Variants in GMDS observed in about 807,000 individuals in gnomAD.
GMDS encodes the protein GDP-mannose 4,6-dehydratase.
A neutral mutation model predicts 49.9 loss-of-function variants in GMDS; 20 were observed. The observed-to-expected ratio is 0.40, with a 90% CI of 0.28 to 0.58. The LOEUF (loss-of-function observed/expected upper bound fraction) is 0.58, where lower values mean the gene tolerates loss of function less well. Among genes scored for constraint, GMDS ranks in the 20% least tolerant of loss-of-function variants. The pLI is 0.42. For missense variants in GMDS, 362 were observed against 481.4 expected (o/e 0.75, Z 2.32); for synonymous variants, 177 against 178.6 (o/e 0.99, Z 0.07).
intron 9 of GMDS, among the ~76,000 whole-genome samples, chr6:1,667,568 TG>T (rs1209401463): frequency 6.6e-6 from 1 of 152,210 alleles, no homozygotes; most frequent in Non-Finnish European, 1.5e-5. Context: ...GCTGGGTATC[TG>T]GGGCTTTATA....
chr6:1,813,051 C>T (rs921481288), intron 7 of GMDS, among the ~76,000 whole-genome samples: 4 of 151,682 alleles, frequency 2.6e-5, no homozygotes, highest in African/African-American at 9.7e-5. Flanking sequence ...AACCCCATCT[C>T]TACCAAAAAA....
chr6:1,852,360 A>C (rs111351929), intron 7 of GMDS, among the ~76,000 whole-genome samples: 241 of 152,344 alleles, frequency 1.6e-3, no homozygotes, highest in African/African-American at 3.6e-3. Flanking sequence ...AAAATCTTTC[A>C]AGGATATTTT....
chr6:2,156,374 T>G (rs1046606603), intron 1 of GMDS, among the ~76,000 whole-genome samples: 1 of 152,182 alleles, frequency 6.6e-6, no homozygotes, highest in South Asian at 2.1e-4. Context: ...TGAAAAAGGA[T>G]ATTGATTTTT....
chr6:1,797,255 G>A (rs1472020392), intron 7 of GMDS, among the ~76,000 whole-genome samples: 1 of 152,158 alleles, frequency 6.6e-6, no homozygotes, highest in African/African-American at 2.4e-5. Flanking sequence ...AAACAGTTTT[G>A]TCATGAAAGC....
chr6:2,194,647 T>C (rs1779205405), intron 1 of GMDS, among the ~76,000 whole-genome samples: 1 of 152,392 alleles, frequency 6.6e-6, no homozygotes, highest in African/African-American at 2.4e-5. Flanking sequence ...TAAAAAGTGC[T>C]ACACGCACAC....
intron 4 of GMDS, among the ~76,000 whole-genome samples, chr6:2,077,161 ATTTG>A (rs1050080484): frequency 2.6e-5 from 4 of 152,002 alleles, no homozygotes; most frequent in Non-Finnish European, 5.9e-5. Flanking sequence ...ACTTGGCTGA[ATTTG>A]TTTATCAGTT....
At chr6:1,921,725 T>C (rs905920118) in intron 7 of GMDS, among the ~76,000 whole-genome samples, 6 of 152,200 alleles carry the variant, frequency 3.9e-5, no homozygotes, top group East Asian at 3.8e-4. Flanking sequence ...GGCCCTTGAA[T>C]TGCCTTTCTT....
In GMDS at chr6:1,831,406, T is replaced by C. The variant is rs905021588; in HGVS notation, c.772-88820A>G. Among the ~76,000 whole-genome samples the C allele has an allele frequency of 7.2e-5, 11 of 152,268 alleles. No homozygotes were observed. In the Middle Eastern group the frequency reaches 0.01, roughly 141 times the overall value. Reference sequence around the variant, plus strand: ...CCTTAAGGGAAGCGTGAAGGGAAAATCTCTATGAACTGCAAAACACTAAAC... The same window carrying C: ...CCTTAAGGGAAGCGTGAAGGGAAAACCTCTATGAACTGCAAAACACTAAAC... On this transcript the variant is annotated intron_variant, in intron 7 of 10. Coordinates refer to ENST00000380815, the MANE Select transcript of GMDS (RefSeq NM_001500.4).
At chr6:2,161,176 ATTT>A (rs1393093745) in intron 1 of GMDS, among the ~76,000 whole-genome samples, 6 of 151,764 alleles carry the variant, frequency 4.0e-5, no homozygotes, top group Non-Finnish European at 8.8e-5. Context: ...CGCCCAGCTA[ATTT>A]TTTGTATTTT....
intron 1 of GMDS, among the ~76,000 whole-genome samples, chr6:2,241,072 G>A (rs755818599): frequency 2.0e-5 from 3 of 152,154 alleles, no homozygotes; most frequent in African/African-American, 4.8e-5. Flanking sequence ...AGACATCTTT[G>A]AGGCTGTCTC....
chr6:2,143,817 C>T (rs941856316), intron 1 of GMDS, among the ~76,000 whole-genome samples: 28 of 152,188 alleles, frequency 1.8e-4, no homozygotes, highest in Non-Finnish European at 7.3e-5. Context: ...TTAACTATCA[C>T]CTCCATTGTC....
intron 8 of GMDS, among the ~76,000 whole-genome samples, chr6:1,740,309 C>T (rs570238440): frequency 4.6e-5 from 7 of 152,274 alleles, no homozygotes; most frequent in Middle Eastern, 3.4e-3. Context: ...GTAATCCCAG[C>T]ACTTTGGGAA....
At chr6:1,822,871 T>C (rs778518563) in intron 7 of GMDS, among the ~76,000 whole-genome samples, 14 of 152,190 alleles carry the variant, frequency 9.2e-5, no homozygotes, top group Admixed American at 6.5e-5. Flanking sequence ...TTTGTGTACA[T>C]TTTACTATAA....
intron 1 of GMDS, among the ~76,000 whole-genome samples, chr6:2,195,164 T>C (rs1427320285): frequency 2.6e-5 from 4 of 152,180 alleles, no homozygotes; most frequent in Non-Finnish European, 5.9e-5. Flanking sequence ...CCAGACTTAG[T>C]ATAAAGAAAA....
At chr6:2,106,901 G>A (rs1774276874) in intron 4 of GMDS, among the ~76,000 whole-genome samples, 1 of 151,774 alleles carries the variant, frequency 6.6e-6, no homozygotes, top group South Asian at 2.1e-4. Context: ...TACTCACAGT[G>A]TATTTACTAA....
intron 9 of GMDS, among the ~76,000 whole-genome samples, chr6:1,692,669 G>A (rs1024521804): frequency 2.0e-5 from 3 of 152,078 alleles, no homozygotes; most frequent in African/African-American, 7.2e-5. Context: ...CTTTTACAAT[G>A]TCTAATACGC....
chr6:2,114,439 G>A (rs945803400), intron 4 of GMDS, among the ~76,000 whole-genome samples: 3 of 152,118 alleles, frequency 2.0e-5, no homozygotes, highest in Non-Finnish European at 4.4e-5. Context: ...CTTCTCTATA[G>A]GAAAGAAGGG....
chr6:2,200,001 T>A (rs1258513227), intron 1 of GMDS, among the ~76,000 whole-genome samples: 1 of 152,214 alleles, frequency 6.6e-6, no homozygotes, highest in Non-Finnish European at 1.5e-5. Flanking sequence ...GGATTGTATG[T>A]TATACATATG....
At chr6:1,888,820 T>C (rs1166866452) in intron 7 of GMDS, among the ~76,000 whole-genome samples, 3 of 152,186 alleles carry the variant, frequency 2.0e-5, no homozygotes, top group Admixed American at 6.5e-5. Flanking sequence ...AATGTTCCCA[T>C]TCTAAATGGG....
Sources: gnomAD v4.1 joint callset for allele counts (sites outside exome capture counted in the v4.1 genomes callset) on GRCh38, gnomAD v4.1.1 for gene constraint, MANE v1.5 for transcripts, NCBI Gene and HGNC (gene_info 2026-07-23, HGNC 2026-07-21) for gene names.